Variants in MEIKIN observed in about 807,000 individuals in gnomAD.
MEIKIN encodes meiotic kinetochore factor.
chr5:131,924,240 A>G, intron 5 of MEIKIN, among the ~76,000 whole-genome samples: 1 of 152,182 alleles, frequency 6.6e-6, no homozygotes, highest in African/African-American at 2.4e-5. Flanking sequence ...ACAAACATTT[A>G]GGTTTTTTCC....
chr5:131,834,316 A>G (rs1412624301), intron 11 of MEIKIN, among the ~76,000 whole-genome samples: 1 of 152,196 alleles, frequency 6.6e-6, no homozygotes, highest in African/African-American at 2.4e-5. Context: ...ATCCATCAAC[A>G]CACAGCTTCC....
intron 12 of MEIKIN, among the ~76,000 whole-genome samples, chr5:131,808,593 G>C (rs1044101137): frequency 1.3e-5 from 2 of 152,120 alleles, no homozygotes; most frequent in Admixed American, 1.3e-4. Flanking sequence ...GATTACTTGG[G>C]AATCTGCATT....
chr5:131,814,353 T>G (rs1773061334), intron 12 of MEIKIN, among the ~76,000 whole-genome samples: 1 of 151,616 alleles, frequency 6.6e-6, no homozygotes, highest in Non-Finnish European at 1.5e-5. Flanking sequence ...TACAGCTTAC[T>G]GCAGCTTCCA....
chr5:131,848,812 A>G (rs969813737), intron 11 of MEIKIN, among the ~76,000 whole-genome samples: 2 of 152,200 alleles, frequency 1.3e-5, no homozygotes, highest in Non-Finnish European at 2.9e-5. Flanking sequence ...TATTAAAATT[A>G]TTATAGGCCA....
chr5:131,891,148 A>C, intron 8 of MEIKIN, among the ~76,000 whole-genome samples: 1 of 152,266 alleles, frequency 6.6e-6, no homozygotes, highest in South Asian at 2.1e-4. Flanking sequence ...TATGTGGTCA[A>C]TTTTGGAATA....
At chr5:131,917,331 C>T (rs945403346) in intron 6 of MEIKIN, among the ~76,000 whole-genome samples, 22 of 151,918 alleles carry the variant, frequency 1.4e-4, no homozygotes, top group East Asian at 7.7e-4. Context: ...TTTTGGGGAC[C>T]GAGGCAGGTG....
At chr5:131,827,047 C>T (rs904084880) in intron 11 of MEIKIN, among the ~76,000 whole-genome samples, 7 of 152,112 alleles carry the variant, frequency 4.6e-5, no homozygotes, top group African/African-American at 1.7e-4. Flanking sequence ...TAGAATGACA[C>T]AATCATGGCT....
chr5:131,941,449 G>A (rs1345557557), intron 4 of MEIKIN, among the ~76,000 whole-genome samples: 5 of 126,290 alleles, frequency 4.0e-5, no homozygotes, highest in South Asian at 2.3e-4. Context: ...GTGAGCCACC[G>A]TGCCTGGCCC....
At chr5:131,871,900 A>G (rs1750509515) in intron 9 of MEIKIN, among the ~76,000 whole-genome samples, 1 of 152,136 alleles carries the variant, frequency 6.6e-6, no homozygotes, top group African/African-American at 2.4e-5. Context: ...TCTGGAGTGG[A>G]CCTCTAGCAA....
chr5:131,922,551 C>T (rs576766782), intron 5 of MEIKIN, among the ~76,000 whole-genome samples: 10 of 152,104 alleles, frequency 6.6e-5, no homozygotes, highest in Admixed American at 6.5e-5. Context: ...CTTCAGCATC[C>T]ACAGATTTTG....
chr5:131,914,015 A>G (rs1751369664), intron 7 of MEIKIN, among the ~76,000 whole-genome samples: 1 of 152,124 alleles, frequency 6.6e-6, no homozygotes, highest in African/African-American at 2.4e-5. Context: ...CCATTCATGG[A>G]TTAATGGAGT....
intron 8 of MEIKIN, among the ~76,000 whole-genome samples, chr5:131,899,981 A>G (rs1356307756): frequency 5.3e-5 from 8 of 152,242 alleles, no homozygotes. Context: ...ATTATTTAGA[A>G]CAAATAAACC....
intron 9 of MEIKIN, among the ~76,000 whole-genome samples, chr5:131,869,936 G>A (rs1430103881): frequency 6.6e-6 from 1 of 152,194 alleles, no homozygotes; most frequent in African/African-American, 2.4e-5. Context: ...TTACTTCTCT[G>A]ATGAACTCAA....
At chr5:131,858,039 C>T (rs1375217214) in intron 9 of MEIKIN, among the ~76,000 whole-genome samples, 2 of 152,218 alleles carry the variant, frequency 1.3e-5, no homozygotes, top group Non-Finnish European at 2.9e-5. Context: ...AAGGCACTGG[C>T]CAGCACTCCC....
At chr5:131,935,092 G>C (rs1375909391) in intron 4 of MEIKIN, among the ~76,000 whole-genome samples, 1 of 149,886 alleles carries the variant, frequency 6.7e-6, no homozygotes, top group Non-Finnish European at 1.5e-5. Context: ...AAAAAGACAA[G>C]CTACAGATAG....
intron 7 of MEIKIN, among the ~76,000 whole-genome samples, chr5:131,914,967 A>G (rs1385411854): frequency 6.6e-6 from 1 of 152,190 alleles, no homozygotes; most frequent in Non-Finnish European, 1.5e-5. Flanking sequence ...ATGTCCATAC[A>G]GGGTGGAAAC....
chr5:131,866,904 A>C (rs1198373013), intron 9 of MEIKIN, among the ~76,000 whole-genome samples: 1 of 152,194 alleles, frequency 6.6e-6, no homozygotes, highest in African/African-American at 2.4e-5. Context: ...CTATTGAGTT[A>C]AATTTAGCTA....
chr5:131,899,556 A>C (rs976683750), intron 8 of MEIKIN, among the ~76,000 whole-genome samples: 21 of 151,900 alleles, frequency 1.4e-4, no homozygotes, highest in African/African-American at 4.8e-4. Flanking sequence ...AAAAAAAAAA[A>C]AAAAACAAGA....
chr5:131,898,353 T>C (rs1013938452), intron 8 of MEIKIN, among the ~76,000 whole-genome samples: 10 of 152,164 alleles, frequency 6.6e-5, no homozygotes, highest in Non-Finnish European at 1.0e-4. Context: ...TACTAGAAGG[T>C]GTCTCCCAGT....
Sources: allele counts gnomAD v4.1 joint callset (sites outside exome capture counted in the v4.1 genomes callset), GRCh38; gene constraint gnomAD v4.1.1; transcripts MANE v1.5; gene names NCBI Gene and HGNC (gene_info 2026-07-23, HGNC 2026-07-21).